The following MYO5B variants were observed in gnomAD, a reference collection of about 807,000 sequenced individuals.
MYO5B encodes myosin VB.
MYO5B carries 143 observed loss-of-function variants against 229.3 expected under a neutral mutation model. The observed-to-expected ratio is 0.62, with a 90% CI of 0.54 to 0.72. The LOEUF (loss-of-function observed/expected upper bound fraction) is 0.72. MYO5B is among the 30% of genes least tolerant of loss of function. The probability of loss-of-function intolerance (pLI) is 0.00; values close to 1 mark genes in which losing one functional copy is unlikely to be tolerated. For missense variants in MYO5B, 2,321 were observed against 2,331.0 expected, an observed-to-expected ratio of 1.00 and a Z score of 0.09; for synonymous variants, 918 against 885.2, an observed-to-expected ratio of 1.04 and a Z score of -0.66.
In MYO5B at chr18:49,984,662, T is replaced by C. The variant is rs1598931845; in HGVS notation, c.946+56A>G. On this transcript the variant is annotated intron_variant, in intron 8 of 39. Transcript: ENST00000285039. ...CACAGTGGGACATCGCCTTGCATTC[T>C]ACCCTCCGTGCCATCAGCCCTCGGG... is the stretch of plus-strand genomic sequence containing the variant. 4.4e-6 allele frequency: 6 copies of C among 1,354,856 alleles called. No homozygotes were observed. In the East Asian group the frequency reaches 1.4e-4, roughly 31 times the overall value. The allele number at this position is 1,354,856 out of a possible 1,614,324, so 83.9% of individuals were successfully genotyped here.
chr18:49,962,781 G>A (rs1043599904), intron 11 of MYO5B, among the ~76,000 whole-genome samples, 168 bp downstream of exon 11: 1 of 152,048 alleles, frequency 6.6e-6, no homozygotes, highest in Non-Finnish European at 1.5e-5. Context: ...TCTCCCTCCT[G>A]AGCAGTGGAG....
chr18:50,075,158 C>T (rs756565804), intron 1 of MYO5B, among the ~76,000 whole-genome samples: 2 of 152,126 alleles, frequency 1.3e-5, no homozygotes, highest in Non-Finnish European at 2.9e-5. Context: ...TTGTAGGGGA[C>T]ACCATTTGAG....
At chr18:49,913,618 G>A (rs1002166110) in intron 17 of MYO5B, among the ~76,000 whole-genome samples, 10 of 152,122 alleles carry the variant, frequency 6.6e-5, no homozygotes, top group Non-Finnish European at 1.5e-5. Flanking sequence ...GATATGGACA[G>A]GAGACAGGGA....
chr18:49,908,827 A>T (rs950684953), intron 18 of MYO5B, among the ~76,000 whole-genome samples: 3 of 152,228 alleles, frequency 2.0e-5, no homozygotes, highest in African/African-American at 7.2e-5. Context: ...CAAAGAATTC[A>T]GTATGTATCT....
At chr18:50,163,510 T>C (rs1262129872) in intron 1 of MYO5B, among the ~76,000 whole-genome samples, 1 of 152,238 alleles carries the variant, frequency 6.6e-6, no homozygotes, top group East Asian at 1.9e-4. Context: ...AGAAACAGCA[T>C]GAATCTCCTG....
intron 1 of MYO5B, among the ~76,000 whole-genome samples, chr18:50,095,127 G>A (rs2144494086): frequency 1.3e-5 from 2 of 152,272 alleles, no homozygotes; most frequent in South Asian, 4.1e-4. Context: ...ACCACAACTG[G>A]CCGAAATCCA....
chr18:50,020,602 A>G (rs1325591505), intron 4 of MYO5B, among the ~76,000 whole-genome samples: 1 of 152,198 alleles, frequency 6.6e-6, no homozygotes, highest in Admixed American at 6.5e-5. Flanking sequence ...TACAATGACC[A>G]CAACAGTGAG....
At chr18:49,933,475 G>A (rs12457889) in intron 16 of MYO5B, among the ~76,000 whole-genome samples, 39,481 of 152,246 alleles carry the variant, frequency 0.26, 5,676 homozygotes, top group Middle Eastern at 0.37. Flanking sequence ...TTTCTTAAAT[G>A]AAGAAAGCAG....
At chr18:49,835,541 C>G in intron 38 of MYO5B, 117 bp from the exon 39 acceptor site, 1 of 736,204 alleles carries the variant, frequency 1.4e-6, no homozygotes, top group Non-Finnish European at 2.5e-6. Flanking sequence ...ACAAGGCCCA[C>G]AACACAGATG....
chr18:50,049,001 AAC>A (rs1238618974), intron 2 of MYO5B, among the ~76,000 whole-genome samples: 5 of 147,750 alleles, frequency 3.4e-5, no homozygotes, highest in Non-Finnish European at 7.4e-5. Flanking sequence ...CAGCCTGGGC[AAC>A]AGAGTGAGAC....
chr18:50,099,411 T>C (rs1316154025), intron 1 of MYO5B, among the ~76,000 whole-genome samples: 1 of 152,122 alleles, frequency 6.6e-6, no homozygotes, highest in African/African-American at 2.4e-5. Flanking sequence ...CAAGGATACT[T>C]AGCAACAGTG....
chr18:50,036,877 G>A lies in MYO5B; in HGVS notation c.428C>T (p.Ala143Val). ...GDMDPHIFAV[A>V]EEAYKQMARD... ...GGCCATCTGCTTGTAGGCTTCTTCTGCCACAGCAAAGATGTGGGGGTCCAT... is the reference window on the plus strand; with the variant it reads ...GGCCATCTGCTTGTAGGCTTCTTCTACCACAGCAAAGATGTGGGGGTCCAT... The change falls in exon 4 of 40, where the codon GCA (alanine) becomes GTA (valine). Residue 143 changes from alanine (A) to valine (V), a missense_variant. This residue lies in a region of MYO5B where 2,113 missense variants were observed against 2,044.7 expected (regional missense o/e 1.03). Coordinates refer to ENST00000285039, the MANE Select transcript of MYO5B (RefSeq NM_001080467.3). The A allele has an allele frequency of 6.2e-7, 1 of 1,614,074 alleles. No individual in the cohort carries two copies. The highest frequency in any genetic ancestry group is 8.5e-7 in the Non-Finnish European group (1 of 1,180,024).
At chr18:49,849,492 G>A in intron 32 of MYO5B, 75 bp downstream of exon 32, 1 of 1,028,806 alleles carries the variant, frequency 9.7e-7, no homozygotes, top group Non-Finnish European at 1.5e-6. Context: ...CAGAGGGCAG[G>A]CAGACAGCTC....
At chr18:50,027,224 C>T (rs1416558952) in intron 4 of MYO5B, among the ~76,000 whole-genome samples, 1 of 152,166 alleles carries the variant, frequency 6.6e-6, no homozygotes, top group East Asian at 1.9e-4. Flanking sequence ...CTAAATCCTA[C>T]TCACATGTCA....
chr18:49,843,537 A>C, intron 33 of MYO5B, 145 bp from the exon 34 acceptor site: 1 of 1,057,926 alleles, frequency 9.5e-7, no homozygotes, highest in South Asian at 1.4e-5. Context: ...TTGGGAGAGA[A>C]GCCACCCAGG....
At chr18:50,059,192 G>A (rs2030625652) in intron 1 of MYO5B, among the ~76,000 whole-genome samples, 1 of 152,214 alleles carries the variant, frequency 6.6e-6, no homozygotes, top group Non-Finnish European at 1.5e-5. Flanking sequence ...TGTTCATGCT[G>A]AGTATAGGAA....
chr18:50,069,793 C>T (rs1215399129), intron 1 of MYO5B, among the ~76,000 whole-genome samples: 1 of 152,116 alleles, frequency 6.6e-6, no homozygotes, highest in Non-Finnish European at 1.5e-5. Context: ...CCTTGACTCC[C>T]CAGCCAGTGC....
intron 16 of MYO5B, among the ~76,000 whole-genome samples, chr18:49,933,287 T>C (rs2025214677): frequency 6.6e-6 from 1 of 152,164 alleles, no homozygotes; most frequent in South Asian, 2.1e-4. Context: ...CCACTGCTGC[T>C]CTGGATACTT....
At chr18:49,839,091 C>T in intron 36 of MYO5B, 53 bp downstream of exon 36, 1 of 1,608,530 alleles carries the variant, frequency 6.2e-7, no homozygotes, top group South Asian at 1.1e-5. Context: ...CCACGCCTTC[C>T]CCTCATTTCA....
Sources: gnomAD v4.1 joint callset for allele counts (sites outside exome capture counted in the v4.1 genomes callset) on GRCh38, gnomAD v4.1.1 for gene constraint, gnomAD v4.1.1 regional missense constraint, MANE v1.5 for transcripts, NCBI Gene and HGNC (gene_info 2026-07-23, HGNC 2026-07-21) for gene names.